Variants in ENTREP2 observed in about 807,000 individuals in gnomAD.
ENTREP2 encodes the protein protein ENTREP2.
At chr15:29,372,559 T>C in the ENTREP2 span, among the ~76,000 whole-genome samples, 1 of 152,108 alleles carries the variant, frequency 6.6e-6, no homozygotes, top group Non-Finnish European at 1.5e-5. Flanking sequence ...TAACTCTATA[T>C]CCCCATCTCT....
the ENTREP2 span, among the ~76,000 whole-genome samples, chr15:29,627,533 C>T: frequency 7.5e-6 from 1 of 133,730 alleles, no homozygotes; most frequent in African/African-American, 3.1e-5. Context: ...CAGAGCAAGA[C>T]TCCATCTAAA....
chr15:29,474,684 A>C, the ENTREP2 span, among the ~76,000 whole-genome samples: 1 of 151,902 alleles, frequency 6.6e-6, no homozygotes, highest in Non-Finnish European at 1.5e-5. Flanking sequence ...CCTCCCAAGT[A>C]GCTGGGATTA....
At chr15:29,161,363 C>T in the ENTREP2 span, among the ~76,000 whole-genome samples, 16 of 152,186 alleles carry the variant, frequency 1.1e-4, no homozygotes, top group Non-Finnish European at 2.1e-4. Context: ...CTTAGCATCA[C>T]CCTGAGACCC....
the ENTREP2 span, among the ~76,000 whole-genome samples, chr15:29,255,781 C>T: frequency 6.6e-6 from 1 of 151,938 alleles, no homozygotes. Flanking sequence ...GCGGGCGGAT[C>T]AAAAGGTCAG....
the ENTREP2 span, chr15:29,124,798 G>C: frequency 6.6e-7 from 1 of 1,522,538 alleles, no homozygotes; most frequent in East Asian, 2.5e-5. Context: ...CACATGAAAG[G>C]AAAAAGGAAT....
the ENTREP2 span, among the ~76,000 whole-genome samples, chr15:29,612,343 G>A: frequency 6.6e-6 from 1 of 152,074 alleles, no homozygotes; most frequent in African/African-American, 2.4e-5. Context: ...GGTCTGTGAC[G>A]CTCAGCTAGA....
At chr15:29,260,689 G>A in the ENTREP2 span, among the ~76,000 whole-genome samples, 1 of 152,030 alleles carries the variant, frequency 6.6e-6, no homozygotes, top group African/African-American at 2.4e-5. Flanking sequence ...GAACTGGGTG[G>A]GGATACAGAC....
chr15:29,635,893 C>G, the ENTREP2 span, among the ~76,000 whole-genome samples: 1 of 152,206 alleles, frequency 6.6e-6, no homozygotes, highest in African/African-American at 2.4e-5. Context: ...ATACTGGGAC[C>G]TCTTGAGCCA....
chr15:29,483,113 T>C, the ENTREP2 span, among the ~76,000 whole-genome samples: 14 of 152,272 alleles, frequency 9.2e-5, no homozygotes, highest in African/African-American at 3.1e-4. Flanking sequence ...CATCTTCATA[T>C]GCTTATTTGA....
the ENTREP2 span, among the ~76,000 whole-genome samples, chr15:29,272,450 C>G: frequency 1.3e-5 from 2 of 150,700 alleles, no homozygotes; most frequent in East Asian, 3.9e-4. Context: ...CAAAGAGAAA[C>G]CACAATATAA....
At chr15:29,226,162 A>C in the ENTREP2 span, among the ~76,000 whole-genome samples, 3 of 152,184 alleles carry the variant, frequency 2.0e-5, no homozygotes, top group South Asian at 6.2e-4. Flanking sequence ...GTATTAATCC[A>C]CTGAATCAAA....
the ENTREP2 span, among the ~76,000 whole-genome samples, chr15:29,123,949 C>T: frequency 6.6e-6 from 1 of 152,208 alleles, no homozygotes; most frequent in African/African-American, 2.4e-5. Context: ...GGCACAGGGG[C>T]TGGTCCTTCC....
the ENTREP2 span, among the ~76,000 whole-genome samples, chr15:29,551,810 C>T: frequency 6.8e-6 from 1 of 147,666 alleles, no homozygotes. Context: ...AAGCAAGAAG[C>T]AAGGGAGAAG....
the ENTREP2 span, among the ~76,000 whole-genome samples, chr15:29,224,189 T>C: frequency 6.6e-6 from 1 of 151,864 alleles, no homozygotes; most frequent in African/African-American, 2.4e-5. Flanking sequence ...TCGTGGTGAG[T>C]GTTACAGCTC....
chr15:29,451,255 G>A, the ENTREP2 span, among the ~76,000 whole-genome samples: 3 of 152,140 alleles, frequency 2.0e-5, no homozygotes, highest in African/African-American at 4.8e-5. Context: ...GCTGATGATG[G>A]GGGGTGGCAG....
chr15:29,405,423 C>A, the ENTREP2 span, among the ~76,000 whole-genome samples: 1 of 151,892 alleles, frequency 6.6e-6, no homozygotes, highest in Non-Finnish European at 1.5e-5. Flanking sequence ...CCATGTCACT[C>A]GCCCCACTCA....
At chr15:29,579,200 CTT>C in the ENTREP2 span, among the ~76,000 whole-genome samples, 1 of 152,262 alleles carries the variant, frequency 6.6e-6, no homozygotes, top group Non-Finnish European at 1.5e-5. Context: ...AACTCCTTCA[CTT>C]TTATTTTATT....
the ENTREP2 span, among the ~76,000 whole-genome samples, chr15:29,590,757 T>A: frequency 1.4e-5 from 2 of 144,702 alleles, no homozygotes; most frequent in Non-Finnish European, 1.5e-5. Context: ...GGAAGGGAAA[T>A]TTTACATGAT....
chr15:29,346,285 G>GA, the ENTREP2 span, among the ~76,000 whole-genome samples: 1 of 152,194 alleles, frequency 6.6e-6, no homozygotes, highest in African/African-American at 2.4e-5. Flanking sequence ...CATGCTCTGA[G>GA]AGAGAGGGTT....
Sources: gnomAD v4.1 joint callset for allele counts (sites outside exome capture counted in the v4.1 genomes callset) on GRCh38, gnomAD v4.1.1 for gene constraint, MANE v1.5 for transcripts, NCBI Gene and HGNC (gene_info 2026-07-23, HGNC 2026-07-21) for gene names.